The following CNGA3 variants were observed in gnomAD, a reference collection of about 807,000 sequenced individuals.
CNGA3 encodes cyclic nucleotide-gated channel alpha-3.
Under a neutral mutation model 46.6 loss-of-function variants are expected in CNGA3, and 42 were observed. The observed-to-expected ratio is 0.90, with a 90% CI of 0.70 to 1.17. The LOEUF (loss-of-function observed/expected upper bound fraction) is 1.17. CNGA3 is among the 50% of genes most tolerant of loss of function. The pLI is 0.00. For synonymous variants in CNGA3, 394 were observed against 369.4 expected (o/e 1.07, Z -0.76); for missense variants, 893 against 890.7 (o/e 1.00, Z -0.03).
chr2:98,395,110 T>C (rs1401585308), intron 7 of CNGA3, among the ~76,000 whole-genome samples: 1 of 152,194 alleles, frequency 6.6e-6, no homozygotes, highest in Admixed American at 6.5e-5. Context: ...TTCTTTCTCC[T>C]AGGTGTACCT....
rs756391784 is a variant in CNGA3 at position 98,396,543 on chromosome 2, A to C, written c.1373A>C (p.Lys458Thr). ...ACGGTGGATGAGAAGGAGGTGCTCAAGAGCCTCCCAGACAAGCTGAAGGCT... is the reference window on the plus strand; with the variant it reads ...ACGGTGGATGAGAAGGAGGTGCTCACGAGCCTCCCAGACAAGCTGAAGGCT... ...KKTVDEKEVL[K>T]SLPDKLKAEI... Residue 458 changes from lysine to threonine, a missense_variant, in exon 8 of 8, where the codon AAG becomes ACG. Lys to Thr is a moderately conservative substitution (Grantham distance 78). Coordinates refer to ENST00000272602, the MANE Select transcript of CNGA3 (RefSeq NM_001298.3). 3 of 1,614,046 alleles carry C rather than the reference A, an allele frequency of 1.9e-6. No individual in the cohort carries two copies. The highest frequency in any genetic ancestry group is 2.5e-6 in the Non-Finnish European group (3 of 1,179,994).
At chr2:98,392,717 G>A (rs1487018914) in intron 7 of CNGA3, among the ~76,000 whole-genome samples, 1 of 152,178 alleles carries the variant, frequency 6.6e-6, no homozygotes, top group African/African-American at 2.4e-5. Context: ...TTCTCTTCTT[G>A]GACAGTCAGC....
chr2:98,378,211 A>T, intron 3 of CNGA3: 1 of 1,546,930 alleles, frequency 6.5e-7, no homozygotes, highest in Non-Finnish European at 8.7e-7. Context: ...GCTCGTCTGG[A>T]CCCCAGGGCA....
At chr2:98,350,356 C>T (rs1049863589) in intron 1 of CNGA3, among the ~76,000 whole-genome samples, 4 of 152,188 alleles carry the variant, frequency 2.6e-5, no homozygotes, top group Non-Finnish European at 5.9e-5. Flanking sequence ...TTATTACCTC[C>T]TTATAAAATA....
At chr2:98,355,203 T>G (rs1387484368) in intron 1 of CNGA3, among the ~76,000 whole-genome samples, 3 of 152,236 alleles carry the variant, frequency 2.0e-5, no homozygotes, top group Non-Finnish European at 4.4e-5. Context: ...TGGATATAGT[T>G]TACTAGTATT....
At chr2:98,390,608 G>A (rs995507173) in intron 6 of CNGA3, among the ~76,000 whole-genome samples, 1 of 152,206 alleles carries the variant, frequency 6.6e-6, no homozygotes, top group Non-Finnish European at 1.5e-5. Flanking sequence ...GAACGTTCCT[G>A]AGCACGCTGT....
At chr2:98,384,121 C>A (rs1034843486) in intron 5 of CNGA3, among the ~76,000 whole-genome samples, 1 of 152,112 alleles carries the variant, frequency 6.6e-6, no homozygotes, top group African/African-American at 2.4e-5. Flanking sequence ...GACCTCCTGA[C>A]CTCGTGATCC....
intron 1 of CNGA3, among the ~76,000 whole-genome samples, chr2:98,354,703 T>A (rs1046563803): frequency 6.6e-6 from 1 of 152,204 alleles, no homozygotes; most frequent in Non-Finnish European, 1.5e-5. Flanking sequence ...GAGGCTGGCT[T>A]GAGCCCAGGA....
Position 98,397,298 on chromosome 2 carries a change from G to T in CNGA3, c.*43G>T, listed in dbSNP as rs149580393. 62 of 1,597,468 alleles carry T rather than the reference G, an allele frequency of 3.9e-5. No homozygotes were observed. In the East Asian group the frequency reaches 1.4e-3, roughly 35 times the overall value. ...CCTGCTTCACAGGGTCGACTGTCAGGGTGACCGTATGTGGCCGCAGCTGTG... is the reference window on the plus strand; with the variant it reads ...CCTGCTTCACAGGGTCGACTGTCAGTGTGACCGTATGTGGCCGCAGCTGTG... On this transcript the variant is annotated 3_prime_UTR_variant, in exon 8 of 8. Transcript: ENST00000272602.
intron 6 of CNGA3, among the ~76,000 whole-genome samples, chr2:98,391,077 A>G (rs1363750358): frequency 6.6e-6 from 1 of 152,052 alleles, no homozygotes; most frequent in Non-Finnish European, 1.5e-5. Context: ...AGGCTAGTTG[A>G]TGAGTTTTGG....
At chr2:98,359,127 C>T (rs1407030186) in intron 1 of CNGA3, among the ~76,000 whole-genome samples, 1 of 152,232 alleles carries the variant, frequency 6.6e-6, no homozygotes, top group African/African-American at 2.4e-5. Flanking sequence ...GATCGCCACT[C>T]TGGGCAACCA....
chr2:98,389,952 A>G (rs919871281), intron 6 of CNGA3, among the ~76,000 whole-genome samples, 178 bp downstream of exon 6: 3 of 152,156 alleles, frequency 2.0e-5, no homozygotes, highest in Non-Finnish European at 4.4e-5. Flanking sequence ...GAGGACCATC[A>G]GAGTGCTCTG....
At chr2:98,373,671 C>G (rs1391357292) in intron 2 of CNGA3, among the ~76,000 whole-genome samples, 1 of 152,192 alleles carries the variant, frequency 6.6e-6, no homozygotes, top group Non-Finnish European at 1.5e-5. Flanking sequence ...GTTTTCATTT[C>G]TACTTAGATC....
intron 5 of CNGA3, among the ~76,000 whole-genome samples, chr2:98,389,434 T>A (rs1165974694): frequency 6.6e-6 from 1 of 152,166 alleles, no homozygotes. Flanking sequence ...GACCGTGACC[T>A]CCTGGGACTG....
chr2:98,365,738 AG>A (rs1387782602), intron 1 of CNGA3, among the ~76,000 whole-genome samples: 1 of 152,092 alleles, frequency 6.6e-6, no homozygotes, highest in African/African-American at 2.4e-5. Flanking sequence ...TGTGTTTTTC[AG>A]AACCATCAGG....
chr2:98,348,309 G>A (rs1255508645), intron 1 of CNGA3, among the ~76,000 whole-genome samples: 3 of 152,228 alleles, frequency 2.0e-5, no homozygotes, highest in Admixed American at 6.5e-5. Context: ...CTTTGGCCGT[G>A]ACTACGTGTG....
intron 2 of CNGA3, among the ~76,000 whole-genome samples, chr2:98,376,945 G>A (rs575923480): frequency 3.3e-5 from 5 of 152,266 alleles, no homozygotes; most frequent in South Asian, 2.1e-4. Context: ...ATGGAGTTAC[G>A]GGCACCTGTC....
chr2:98,377,485 G>A lies in CNGA3; in HGVS notation c.102-202G>A, dbSNP rs1489384978. 3.2e-5 allele frequency: 19 copies of A among 586,314 alleles called. No homozygotes were observed. The East Asian group carries it at 5.4e-4, about 17-fold the overall frequency. The allele number at this position is 586,314 out of a possible 1,614,324, so 36.3% of individuals were successfully genotyped here. A position where few individuals can be genotyped will look rare whatever the true frequency, so the allele number is the denominator to read the frequency against. ...GCCCTGGACAGTAGCTACCTTCCTT[G>A]CTGTAAAGGAAAGGCCACGTTTATA... On this transcript the variant is annotated intron_variant, in intron 2 of 7. Transcript: ENST00000272602.
chr2:98,374,202 C>G (rs1692353831), intron 2 of CNGA3, among the ~76,000 whole-genome samples: 1 of 152,210 alleles, frequency 6.6e-6, no homozygotes, highest in African/African-American at 2.4e-5. Context: ...TGTCCTCGCC[C>G]AGTCACAAGA....
Sources: allele counts gnomAD v4.1 joint callset (sites outside exome capture counted in the v4.1 genomes callset), GRCh38; gene constraint gnomAD v4.1.1; transcripts MANE v1.5; gene names NCBI Gene and HGNC (gene_info 2026-07-23, HGNC 2026-07-21).